Variants in TTBK1 observed in about 807,000 individuals in gnomAD.
TTBK1 encodes tau tubulin kinase 1.
Under a neutral mutation model 108.5 loss-of-function variants are expected in TTBK1, and 34 were observed. The ratio of observed to expected loss-of-function variants is 0.31; its 90% CI spans 0.24 to 0.42. TTBK1 has a LOEUF of 0.42. TTBK1 is among the 10% of genes least tolerant of loss of function. The probability of loss-of-function intolerance (pLI) is 1.00; values close to 1 mark genes in which losing one functional copy is unlikely to be tolerated. For synonymous variants in TTBK1, 809 were observed against 795.1 expected, an observed-to-expected ratio of 1.02 and a Z score of -0.29; for missense variants, 1,539 against 1,826.0, an observed-to-expected ratio of 0.84 and a Z score of 2.86.
At chr6:43,270,207 T>G (rs1582504892) in intron 13 of TTBK1, 1 of 1,310,592 alleles carries the variant, frequency 7.6e-7, no homozygotes, top group Non-Finnish European at 9.7e-7. Flanking sequence ...GGGCTGGTGG[T>G]ACAGTTTCCA....
intron 6 of TTBK1, 129 bp from the exon 7 acceptor site, chr6:43,254,920 C>T (rs574528939): frequency 1.0e-6 from 1 of 965,132 alleles, no homozygotes; most frequent in East Asian, 2.4e-5. Flanking sequence ...ACTGGAAGGT[C>T]AGAGAGCAGG....
At chr6:43,264,624 G>A (rs187130770) in intron 13 of TTBK1, among the ~76,000 whole-genome samples, 87 of 152,266 alleles carry the variant, frequency 5.7e-4, no homozygotes, top group African/African-American at 1.9e-3. Context: ...AAGGAGCTCT[G>A]CATGATGAGT....
chr6:43,246,180 C>T (rs746255434), intron 1 of TTBK1, among the ~76,000 whole-genome samples: 5 of 152,222 alleles, frequency 3.3e-5, no homozygotes, highest in Non-Finnish European at 5.9e-5. Context: ...CAGGTCTTCC[C>T]TTTTCACTAA....
intron 14 of TTBK1, 119 bp downstream of exon 14, chr6:43,284,431 A>C (rs1582528089): frequency 1.4e-6 from 2 of 1,413,012 alleles, no homozygotes; most frequent in East Asian, 2.6e-5. Context: ...CCTCAGTGAC[A>C]CCTCCTGTCC....
rs1013007031 is a variant in TTBK1, at chr6:43,243,931, G to A, written c.-55+223G>A. On this transcript the variant is annotated intron_variant, in intron 1 of 14. Coordinates refer to ENST00000259750, the MANE Select transcript of TTBK1 (RefSeq NM_032538.3). The surrounding 1 kb of genome is among the most constrained non-coding windows in gnomAD (Gnocchi z 5.5). ...GACCTCCCTCCCCAACCCGTCCTCC[G>A]GGCACTTTGCTCCTCCCCACTCACC... 2.0e-5 allele frequency among the ~76,000 whole-genome samples: 3 copies of A among 151,920 alleles called. No homozygotes were observed. The highest frequency in any genetic ancestry group is 7.3e-5 in the African/African-American group (3 of 41,366).
rs1479481230 is a variant in TTBK1 at position 43,282,219 on chromosome 6, G to A, written c.1987-508G>A. ...CAGAGAAACTGCACACCCTGAGGTG[G>A]TACTGAGGGCATCTAGGAGCCAGCC... On this transcript the variant is annotated intron_variant, in intron 13 of 14. Transcript: ENST00000259750. The surrounding 1 kb of genome is among the most constrained non-coding windows in gnomAD (Gnocchi z 5.4). Among the ~76,000 whole-genome samples the A allele has an allele frequency of 6.6e-6, 1 of 152,208 alleles. No individual in the cohort carries two copies. Among genetic ancestry groups the A allele is most frequent in the Non-Finnish European group, 1.5e-5 (1 of 68,038 alleles).
chr6:43,253,667 G>T lies in TTBK1; in HGVS notation c.430G>T (p.Ala144Ser), dbSNP rs142454368. ...LGKQILESIE[A>S]IHSVGFLHRD... ...CAAGCAGATCTTGGAGTCCATCGAG[G>T]CCATCCACTCTGTGGGCTTCCTGCA... Residue 144 changes from alanine to serine, a missense_variant, in exon 5 of 15, where the codon GCC becomes TCC. This residue lies in a region of TTBK1 where 155 missense variants were observed against 348.5 expected (regional missense o/e 0.44). Transcript: ENST00000259750. The surrounding 1 kb of genome is among the most constrained non-coding windows in gnomAD (Gnocchi z 5.8). The T allele has an allele frequency of 1.2e-6, 2 of 1,611,928 alleles. No homozygotes were observed. The highest frequency in any genetic ancestry group is 2.7e-5 in the African/African-American group (2 of 74,868).
intron 13 of TTBK1, chr6:43,272,215 C>G: frequency 1.0e-6 from 1 of 985,494 alleles, no homozygotes; most frequent in Non-Finnish European, 1.2e-6. Context: ...CCCACCCAAT[C>G]TGGGGTTGGA....
In TTBK1 at chr6:43,259,539, T is replaced by C. The variant is rs770496699; in HGVS notation, c.1257T>C (p.Cys419=). ...KLRINIGKSP[C]VEEEQSRGMG... ...ACTCCCCTCTCCTGCAGAGCCCCTGTGTGGAGGAGGAACAGAGCCGAGGCA... is the reference window on the plus strand; with the variant it reads ...ACTCCCCTCTCCTGCAGAGCCCCTGCGTGGAGGAGGAACAGAGCCGAGGCA... The change falls in exon 12 of 15, where the codon TGT becomes TGC. Residue 419 remains cysteine, a synonymous_variant. Transcript: ENST00000259750. This position sits in a 1 kb window ranked among gnomAD's most constrained non-coding sequence, Gnocchi z 6.7. 1 of 1,583,226 alleles carries C rather than the reference T, an allele frequency of 6.3e-7. No homozygotes were observed. The highest frequency in any genetic ancestry group is 8.6e-7 in the Non-Finnish European group (1 of 1,166,044).
rs776303213 is a variant in TTBK1, at chr6:43,283,293, C to T, written c.2553C>T (p.Ala851=). The change falls in exon 14 of 15, where the codon GCC becomes GCT. Residue 851 remains alanine, a synonymous_variant. Transcript: ENST00000259750. The surrounding 1 kb of genome is among the most constrained non-coding windows in gnomAD (Gnocchi z 8.1). ...PGDMKKSPVT[A]ELAPDPDLGT... is the part of the protein sequence containing the mutation. ...ACATGAAGAAGTCGCCCGTCACTGC[C>T]GAACTGGCCCCCGACCCCGACCTGG... 3.4e-5 allele frequency: 54 copies of T among 1,570,602 alleles called. No individual in the cohort carries two copies. The highest frequency in any genetic ancestry group is 1.1e-4 in the African/African-American group (8 of 73,668).
chr6:43,279,991 AGGT>A (rs1778111173), intron 13 of TTBK1, among the ~76,000 whole-genome samples: 1 of 134,886 alleles, frequency 7.4e-6, no homozygotes, highest in African/African-American at 2.5e-5. Flanking sequence ...TGTTTGAGCC[AGGT>A]AGGGAGCTTT....
chr6:43,253,517 C>G lies in TTBK1; in HGVS notation c.331-51C>G, dbSNP rs1195092674. ...GGGAAGAGTATCACAATGATGGTGT[C>G]TGGGATGATGGCTGAGGGTGAGTCT... is the stretch of plus-strand genomic sequence containing the variant. On this transcript the variant is annotated intron_variant, in intron 4 of 14. Transcript: ENST00000259750. The surrounding 1 kb of genome is among the most constrained non-coding windows in gnomAD (Gnocchi z 5.8). 3.1e-6 allele frequency: 5 copies of G among 1,587,606 alleles called. No individual in the cohort carries two copies. In the African/African-American group the frequency reaches 6.7e-5, roughly 21 times the overall value.
In TTBK1 at chr6:43,265,856, GT is replaced by G. The variant is rs1314277883; in HGVS notation, c.1986+2507del. 6.6e-6 allele frequency among the ~76,000 whole-genome samples: 1 copy of G among 152,134 alleles called. No individual in the cohort carries two copies. The highest frequency in any genetic ancestry group is 2.4e-5 in the African/African-American group (1 of 41,418). Reference sequence around the variant, plus strand: ...AGGGCCAGTCAGTGTCCCTTTCTGGGTCTCCAGGTGAGGGAGCTGAGGTTCT... The same window carrying G: ...AGGGCCAGTCAGTGTCCCTTTCTGGGCTCCAGGTGAGGGAGCTGAGGTTCT... On this transcript the variant is annotated intron_variant, in intron 13 of 14. Coordinates refer to ENST00000259750, the MANE Select transcript of TTBK1 (RefSeq NM_032538.3). The surrounding 1 kb of genome is among the most constrained non-coding windows in gnomAD (Gnocchi z 4.1).
chr6:43,281,707 A>C (rs1778168057), intron 13 of TTBK1, among the ~76,000 whole-genome samples: 2 of 152,162 alleles, frequency 1.3e-5, no homozygotes, highest in Admixed American at 6.5e-5. Flanking sequence ...GTGTTCGGCT[A>C]GCTTAGGAAG....
At chr6:43,246,054 A>C (rs1777077409) in intron 1 of TTBK1, among the ~76,000 whole-genome samples, 1 of 152,098 alleles carries the variant, frequency 6.6e-6, no homozygotes, top group Admixed American at 6.5e-5. Flanking sequence ...CCCCTCAGTT[A>C]ACACCACCCT....
At position 43,269,090 on chromosome 6, in the gene TTBK1, G is replaced by C. The variant is rs182130926; in HGVS notation, c.1986+5740G>C. ...AGTGGTGGAGTTGGGATTCAAACACGAGTAATTGGGCTCTAGAGTACCACC... is the reference window on the plus strand; with the variant it reads ...AGTGGTGGAGTTGGGATTCAAACACCAGTAATTGGGCTCTAGAGTACCACC... On this transcript the variant is annotated intron_variant, in intron 13 of 14. Coordinates refer to ENST00000259750, the MANE Select transcript of TTBK1 (RefSeq NM_032538.3). This position sits in a 1 kb window ranked among gnomAD's most constrained non-coding sequence, Gnocchi z 4.8. Among the ~76,000 whole-genome samples the C allele has an allele frequency of 6.6e-6, 1 of 152,210 alleles. No homozygotes were observed. Among genetic ancestry groups the C allele is most frequent in the South Asian group, 2.1e-4 (1 of 4,828 alleles).
chr6:43,279,221 A>G (rs568093494), intron 13 of TTBK1, among the ~76,000 whole-genome samples: 15 of 152,178 alleles, frequency 9.9e-5, no homozygotes, highest in Non-Finnish European at 1.8e-4. Flanking sequence ...CAACCATCCA[A>G]TGTGAGCACT....
Position 43,254,579 on chromosome 6 carries a change from C to T in TTBK1, c.504C>T (p.Thr168=). ...TTGCCATGGGCAGGCTGCCCTCCAC[C>T]TACAGGAAGTGCTATATGCTGGACT... ...SNFAMGRLPS[T]YRKCYMLDFG... is the part of the protein sequence containing the mutation. Residue 168 remains threonine (T), a synonymous_variant, in exon 6 of 15, where the codon ACC becomes ACT. Coordinates refer to ENST00000259750, the MANE Select transcript of TTBK1 (RefSeq NM_032538.3). 2 of 1,583,572 alleles carry T rather than the reference C, an allele frequency of 1.3e-6. No homozygotes were observed. The highest frequency in any genetic ancestry group is 1.7e-6 in the Non-Finnish European group (2 of 1,167,610).
intron 2 of TTBK1, among the ~76,000 whole-genome samples, chr6:43,251,114 A>G (rs989063531): frequency 6.6e-5 from 10 of 152,202 alleles, no homozygotes; most frequent in Middle Eastern, 3.4e-3. Context: ...TCTTTTCCAT[A>G]TCTTCCCTTC....
Sources: gnomAD v4.1 joint callset for allele counts (sites outside exome capture counted in the v4.1 genomes callset) on GRCh38, gnomAD v4.1.1 for gene constraint, gnomAD v4.1.1 regional missense constraint, Gnocchi (gnomAD v3.1) non-coding constraint, MANE v1.5 for transcripts, NCBI Gene and HGNC (gene_info 2026-07-23, HGNC 2026-07-21) for gene names.